KCND3: variants seen among roughly 807,000 people sequenced by gnomAD.
KCND3 encodes the protein potassium voltage-gated channel subfamily D member 3.
KCND3 carries 9 observed loss-of-function variants against 51.1 expected under a neutral mutation model. The ratio of observed to expected loss-of-function variants is 0.18; its 90% CI spans 0.11 to 0.31. KCND3 has a LOEUF of 0.31. KCND3 is among the 10% of genes least tolerant of loss of function. The probability of loss-of-function intolerance (pLI) is 1.00; values close to 1 mark genes in which losing one functional copy is unlikely to be tolerated. For missense variants in KCND3, 526 were observed against 903.8 expected, an observed-to-expected ratio of 0.58 and a Z score of 5.36; for synonymous variants, 349 against 368.0, an observed-to-expected ratio of 0.95 and a Z score of 0.59.
At chr1:111,907,892 G>A (rs1268068749) in intron 2 of KCND3, among the ~76,000 whole-genome samples, 1 of 152,152 alleles carries the variant, frequency 6.6e-6, no homozygotes, top group Non-Finnish European at 1.5e-5. Context: ...AATACTCACT[G>A]GATTCTGCCT....
rs1325489322 is a variant in KCND3, at chr1:111,818,231, G to A, written c.1107-31125C>T. On this transcript the variant is annotated intron_variant, in intron 2 of 7. Coordinates refer to ENST00000302127, the MANE Select transcript of KCND3 (RefSeq NM_001378969.1). ...AGCAAGGATGGCCTCTGGGCAGGAG[G>A]GAAGGAGGACCAGGGCTGGGAGGAC... Among the ~76,000 whole-genome samples, 5 of 152,190 alleles carry A rather than the reference G, an allele frequency of 3.3e-5. No individual in the cohort carries two copies. The South Asian group carries it at 1.0e-3, about 32-fold the overall frequency.
intron 2 of KCND3, among the ~76,000 whole-genome samples, chr1:111,926,768 C>T (rs1433720728): frequency 2.0e-5 from 3 of 152,274 alleles, no homozygotes; most frequent in African/African-American, 4.8e-5. Flanking sequence ...TCTTGTTCAT[C>T]GCTCGGGGCT....
At position 111,866,328 on chromosome 1, in the gene KCND3, G is replaced by A. The variant is rs188757105; in HGVS notation, c.1107-79222C>T. On this transcript the variant is annotated intron_variant, in intron 2 of 7. Transcript: ENST00000302127. ...CAGGCTGGATGGAGCGCAGTGGGGCGATCTAGGTTCACTCCAACCTCGACC... is the reference window on the plus strand; with the variant it reads ...CAGGCTGGATGGAGCGCAGTGGGGCAATCTAGGTTCACTCCAACCTCGACC... 2.6e-3 allele frequency among the ~76,000 whole-genome samples: 380 copies of A among 145,428 alleles called. 1 individual carries two copies. The highest frequency in any genetic ancestry group is 8.9e-3 in the African/African-American group (348 of 38,936).
chr1:111,834,541 T>C (rs1260418244), intron 2 of KCND3, among the ~76,000 whole-genome samples: 1 of 152,216 alleles, frequency 6.6e-6, no homozygotes, highest in East Asian at 1.9e-4. Flanking sequence ...TTAGAGATCT[T>C]CTAATTCAAT....
At chr1:111,793,415 G>A (rs1664925837) in intron 2 of KCND3, among the ~76,000 whole-genome samples, 1 of 151,998 alleles carries the variant, frequency 6.6e-6, no homozygotes, top group African/African-American at 2.4e-5. Flanking sequence ...TTGACCTCGT[G>A]ATCTGCCCGC....
At chr1:111,800,980 C>A (rs1362113904) in intron 2 of KCND3, among the ~76,000 whole-genome samples, 1 of 152,266 alleles carries the variant, frequency 6.6e-6, no homozygotes, top group Non-Finnish European at 1.5e-5. Context: ...ACATGAGGAG[C>A]AGCACATGTG....
chr1:111,872,092 A>T (rs1255727980), intron 2 of KCND3, among the ~76,000 whole-genome samples: 1 of 152,274 alleles, frequency 6.6e-6, no homozygotes. Context: ...TGTGATGCTT[A>T]CTAAGTGCAA....
chr1:111,953,624 T>C (rs1673168714), intron 2 of KCND3, among the ~76,000 whole-genome samples: 1 of 152,188 alleles, frequency 6.6e-6, no homozygotes, highest in Admixed American at 6.5e-5. Flanking sequence ...GGAGAGGGCG[T>C]CACATGCATC....
chr1:111,860,694 T>G (rs139899882), intron 2 of KCND3, among the ~76,000 whole-genome samples: 2 of 152,338 alleles, frequency 1.3e-5, no homozygotes, highest in Non-Finnish European at 2.9e-5. Flanking sequence ...TATGTCTGCC[T>G]CAGCAGGGAG....
In KCND3 at chr1:111,776,383, G is replaced by A. The variant is rs189872211; in HGVS notation, c.1767-105C>T. 8.0e-6 allele frequency: 8 copies of A among 1,003,904 alleles called. No individual in the cohort carries two copies. In the Admixed American group the frequency reaches 1.2e-4, roughly 15 times the overall value. The allele number at this position is 1,003,904 out of a possible 1,614,324, so 62.2% of individuals were successfully genotyped here. On this transcript the variant is annotated intron_variant, in intron 7 of 7. Coordinates refer to ENST00000302127, the MANE Select transcript of KCND3 (RefSeq NM_001378969.1). Reference sequence around the variant, plus strand: ...CTCGTGGTAACTAGGAGGATATTTTGTTGTGCCTCTATCTCTGCCTTTTGT... The same window carrying A: ...CTCGTGGTAACTAGGAGGATATTTTATTGTGCCTCTATCTCTGCCTTTTGT...
chr1:111,960,773 T>C (rs991851780), intron 2 of KCND3, among the ~76,000 whole-genome samples: 5 of 152,172 alleles, frequency 3.3e-5, no homozygotes, highest in African/African-American at 1.2e-4. Flanking sequence ...GGAATGAGCT[T>C]AAGTCCTCAG....
At chr1:111,792,547 C>T (rs908849685) in intron 2 of KCND3, among the ~76,000 whole-genome samples, 21 of 152,178 alleles carry the variant, frequency 1.4e-4, no homozygotes, top group African/African-American at 5.1e-4. Flanking sequence ...AGCAGCAGCA[C>T]AGCACAGTGG....
chr1:111,983,651 G>A (rs997669275), intron 1 of KCND3, among the ~76,000 whole-genome samples: 7 of 151,976 alleles, frequency 4.6e-5, no homozygotes, highest in East Asian at 1.9e-4. Context: ...GCTCACTGCC[G>A]TCCCTAGATT....
At chr1:111,895,498 G>A (rs551102244) in intron 2 of KCND3, among the ~76,000 whole-genome samples, 2 of 152,368 alleles carry the variant, frequency 1.3e-5, no homozygotes, top group Admixed American at 6.5e-5. Context: ...AGCGAGCACT[G>A]TTTTAATGAC....
chr1:111,908,587 C>A (rs763062044), intron 2 of KCND3, among the ~76,000 whole-genome samples: 16 of 152,102 alleles, frequency 1.1e-4, no homozygotes, highest in Admixed American at 5.2e-4. Flanking sequence ...AGTCTGTCAC[C>A]CCTGCTCAGA....
intron 2 of KCND3, among the ~76,000 whole-genome samples, chr1:111,787,987 C>G (rs1664680735): frequency 6.6e-6 from 1 of 152,350 alleles, no homozygotes; most frequent in Admixed American, 6.5e-5. Flanking sequence ...ACCATGAGCT[C>G]TGAAGCTCAG....
At chr1:111,811,667 C>G (rs564644570) in intron 2 of KCND3, among the ~76,000 whole-genome samples, 6 of 152,190 alleles carry the variant, frequency 3.9e-5, no homozygotes, top group Non-Finnish European at 7.3e-5. Flanking sequence ...CTCTCTGCCT[C>G]TCCTCTTTTC....
At chr1:111,840,792 G>A (rs1362750405) in intron 2 of KCND3, among the ~76,000 whole-genome samples, 1 of 152,088 alleles carries the variant, frequency 6.6e-6, no homozygotes, top group Admixed American at 6.5e-5. Flanking sequence ...AAGATGCCCG[G>A]TGTCCCCTCC....
intron 2 of KCND3, among the ~76,000 whole-genome samples, chr1:111,863,312 C>G (rs1434351343): frequency 7.5e-6 from 1 of 133,656 alleles, no homozygotes; most frequent in East Asian, 2.3e-4. Flanking sequence ...CATTGACTAA[C>G]CTATTTGTCT....
Sources: gnomAD v4.1 joint callset for allele counts (sites outside exome capture counted in the v4.1 genomes callset) on GRCh38, gnomAD v4.1.1 for gene constraint, MANE v1.5 for transcripts, NCBI Gene and HGNC (gene_info 2026-07-23, HGNC 2026-07-21) for gene names.